The following HDAC9 variants were observed in gnomAD, a reference collection of about 807,000 sequenced individuals.
HDAC9 encodes the protein histone deacetylase 9.
Under a neutral mutation model 139.4 loss-of-function variants are expected in HDAC9, and 41 were observed. That is an observed-to-expected ratio of 0.29 (90% confidence interval 0.23 to 0.38). The LOEUF (loss-of-function observed/expected upper bound fraction) is 0.38, where lower values mean the gene tolerates loss of function less well. Among genes scored for constraint, HDAC9 ranks in the 10% least tolerant of loss-of-function variants. The pLI is 1.00. For missense variants in HDAC9, 1,147 were observed against 1,297.0 expected, an observed-to-expected ratio of 0.88 and a Z score of 1.78; for synonymous variants, 517 against 476.2, an observed-to-expected ratio of 1.09 and a Z score of -1.12.
intron 1 of HDAC9, among the ~76,000 whole-genome samples, chr7:18,362,725 T>C (rs1290192503): frequency 6.6e-6 from 1 of 152,176 alleles, no homozygotes; most frequent in African/African-American, 2.4e-5. Flanking sequence ...CTTAACTTGC[T>C]GGTGACTTTA....
At chr7:18,496,196 G>A (rs1265930756) in intron 1 of HDAC9, 66 bp from the exon 2 acceptor site, 1 of 1,552,040 alleles carries the variant, frequency 6.4e-7, no homozygotes, top group African/African-American at 1.4e-5. Context: ...GTTTCATGTA[G>A]CTGAAGTAAG....
At chr7:18,170,298 G>C (rs934364678) in intron 2 of HDAC9, among the ~76,000 whole-genome samples, 6 of 152,244 alleles carry the variant, frequency 3.9e-5, no homozygotes, top group African/African-American at 1.4e-4. Flanking sequence ...CACACTTTTT[G>C]ATGGGCTGGG....
Position 18,869,889 on chromosome 7 carries a change from T to G in HDAC9, c.2685-4589T>G, listed in dbSNP as rs201445876. 1.7e-3 allele frequency among the ~76,000 whole-genome samples: 74 copies of G among 44,140 alleles called. 1 individual carries two copies. In the South Asian group the frequency reaches 0.043, roughly 25 times the overall value. 29.0% of individuals were successfully genotyped at this position (44,140 alleles called of 152,430 possible). On this transcript the variant is annotated intron_variant, in intron 21 of 25. Transcript: ENST00000686413. The stretch of plus-strand genomic sequence containing the variant: ...GCTTTCTTTTTTGGGTTTTTTTTGT[T>G]TTTTTTTTTTAGTGTGCTTCCAGTC...
chr7:18,661,527 A>G (rs1465476639), intron 11 of HDAC9, among the ~76,000 whole-genome samples: 2 of 151,454 alleles, frequency 1.3e-5, no homozygotes, highest in Non-Finnish European at 2.9e-5. Context: ...CTAGGTTTCT[A>G]CTCTTTTTTT....
In HDAC9 at chr7:18,419,044, A is replaced by G. The variant is rs576198167; in HGVS notation, c.-41-77218A>G. On this transcript the variant is annotated intron_variant, in intron 1 of 3. Coordinates refer to the HDAC9 transcript ENST00000413509. Reference sequence around the variant, plus strand: ...CATGTCTGAATGGCTAACTTGTGTCATCTTTATATGTCCTTTTCTTTACAC... The same window carrying G: ...CATGTCTGAATGGCTAACTTGTGTCGTCTTTATATGTCCTTTTCTTTACAC... 3.3e-5 allele frequency among the ~76,000 whole-genome samples: 5 copies of G among 152,336 alleles called. No individual in the cohort carries two copies. The East Asian group carries it at 7.7e-4, about 23-fold the overall frequency.
intron 1 of HDAC9, among the ~76,000 whole-genome samples, chr7:18,098,842 CT>C (rs1782673314): frequency 6.6e-6 from 1 of 152,134 alleles, no homozygotes; most frequent in Non-Finnish European, 1.5e-5. Context: ...GAATTTTGAA[CT>C]TGTGAATCCC....
At chr7:18,924,979 G>A (rs1287019377) in intron 22 of HDAC9, among the ~76,000 whole-genome samples, 1 of 152,096 alleles carries the variant, frequency 6.6e-6, no homozygotes, top group Non-Finnish European at 1.5e-5. Context: ...AAGCTTAGAT[G>A]CAAGGGTTAG....
At chr7:18,232,261 C>T (rs1793513480) in intron 2 of HDAC9, among the ~76,000 whole-genome samples, 1 of 152,176 alleles carries the variant, frequency 6.6e-6, no homozygotes, top group African/African-American at 2.4e-5. Flanking sequence ...CCTAGAGGAT[C>T]CAAAACCCAA....
chr7:18,627,824 A>G (rs567880022), intron 6 of HDAC9, among the ~76,000 whole-genome samples: 2 of 152,232 alleles, frequency 1.3e-5, no homozygotes, highest in South Asian at 2.1e-4. Context: ...TTATCTTTTC[A>G]GTATTTTCAA....
chr7:18,776,109 T>G (rs1024621037), intron 16 of HDAC9, among the ~76,000 whole-genome samples: 2 of 151,966 alleles, frequency 1.3e-5, no homozygotes, highest in African/African-American at 4.8e-5. Context: ...TATTTGGCTT[T>G]CTTTCTTTTA....
intron 1 of HDAC9, among the ~76,000 whole-genome samples, chr7:18,367,349 C>T (rs566946307): frequency 5.3e-5 from 8 of 152,104 alleles, no homozygotes; most frequent in African/African-American, 1.9e-4. Context: ...TCCTATTTTT[C>T]AGGAGAAGAA....
At chr7:18,980,251 T>C (rs934961737) in intron 25 of HDAC9, among the ~76,000 whole-genome samples, 5 of 152,194 alleles carry the variant, frequency 3.3e-5, no homozygotes, top group African/African-American at 4.8e-5. Context: ...TGGGGTTCAG[T>C]TCTGTATTAT....
intron 24 of HDAC9, among the ~76,000 whole-genome samples, chr7:18,957,423 A>G (rs1451058043): frequency 2.6e-5 from 4 of 152,146 alleles, no homozygotes; most frequent in Non-Finnish European, 5.9e-5. Context: ...TGATTTCCTT[A>G]CAAGATATGA....
At chr7:18,858,429 C>G (rs535228730) in intron 21 of HDAC9, among the ~76,000 whole-genome samples, 1 of 152,094 alleles carries the variant, frequency 6.6e-6, no homozygotes, top group East Asian at 1.9e-4. Flanking sequence ...CTTATAAAAC[C>G]GTCAGCTCTC....
chr7:18,293,133 A>G (rs1797920130), intron 1 of HDAC9, among the ~76,000 whole-genome samples: 1 of 152,136 alleles, frequency 6.6e-6, no homozygotes, highest in Non-Finnish European at 1.5e-5. Flanking sequence ...TTCGTTGGCT[A>G]CAGTACTTTT....
At chr7:18,800,307 T>G (rs1024157356) in intron 17 of HDAC9, among the ~76,000 whole-genome samples, 5 of 152,238 alleles carry the variant, frequency 3.3e-5, no homozygotes, top group Non-Finnish European at 7.3e-5. Flanking sequence ...GAAAAATTTT[T>G]TCACTTTCTT....
At chr7:18,954,813 C>A (rs73307029) in intron 24 of HDAC9, among the ~76,000 whole-genome samples, 20,896 of 151,950 alleles carry the variant, frequency 0.14, 1,529 homozygotes, top group South Asian at 0.2. Context: ...CCAAAGGGCA[C>A]TATTAGGTGT....
At chr7:18,769,693 G>A (rs765333358) in intron 16 of HDAC9, among the ~76,000 whole-genome samples, 1 of 151,914 alleles carries the variant, frequency 6.6e-6, no homozygotes, top group African/African-American at 2.4e-5. Flanking sequence ...TTTGGTTTTG[G>A]TACAAGCCCT....
intron 1 of HDAC9, among the ~76,000 whole-genome samples, chr7:18,486,751 T>A (rs992054399): frequency 2.6e-5 from 4 of 152,118 alleles, no homozygotes; most frequent in African/African-American, 7.2e-5. Flanking sequence ...ATTGATAATA[T>A]GAAACATGTT....
Sources: allele counts gnomAD v4.1 joint callset (sites outside exome capture counted in the v4.1 genomes callset), GRCh38; gene constraint gnomAD v4.1.1; transcripts MANE v1.5; gene names NCBI Gene and HGNC (gene_info 2026-07-23, HGNC 2026-07-21).